GBE1: variants seen among roughly 807,000 people sequenced by gnomAD.
GBE1 encodes the protein 1,4-alpha-glucan-branching enzyme.
A neutral mutation model predicts 88.8 loss-of-function variants in GBE1; 70 were observed. That is an observed-to-expected ratio of 0.79 (90% confidence interval 0.65 to 0.96). GBE1 has a LOEUF of 0.96. Among genes scored for constraint, GBE1 ranks in the 40% least tolerant of loss-of-function variants. GBE1 has a pLI of 0.00. For synonymous variants in GBE1, 284 were observed against 300.1 expected, an observed-to-expected ratio of 0.95 and a Z score of 0.56; for missense variants, 872 against 871.0, an observed-to-expected ratio of 1.00 and a Z score of -0.01.
At chr3:81,620,830 T>C (rs1403532701) in intron 7 of GBE1, among the ~76,000 whole-genome samples, 5 of 152,238 alleles carry the variant, frequency 3.3e-5, no homozygotes, top group East Asian at 3.9e-4. Context: ...AGATCTTCTA[T>C]GAAAGTTTCT....
chr3:81,565,620 T>C (rs1052286486), intron 12 of GBE1, among the ~76,000 whole-genome samples: 13 of 152,152 alleles, frequency 8.5e-5, no homozygotes, highest in African/African-American at 3.1e-4. Context: ...CAAAATACAA[T>C]ATAATTATAT....
chr3:81,715,628 A>G (rs956281720), intron 1 of GBE1, among the ~76,000 whole-genome samples: 11 of 152,188 alleles, frequency 7.2e-5, no homozygotes, highest in Admixed American at 2.6e-4. Flanking sequence ...GCATGGTACT[A>G]CACAAGAAAG....
chr3:81,689,648 A>C (rs1473674012), intron 2 of GBE1, among the ~76,000 whole-genome samples: 1 of 152,146 alleles, frequency 6.6e-6, no homozygotes, highest in Non-Finnish European at 1.5e-5. Context: ...ACAGCCTCCC[A>C]TCACTAGCGG....
chr3:81,490,513 CT>C, intron 15 of GBE1, 50 bp from the exon 16 acceptor site: 1 of 1,420,226 alleles, frequency 7.0e-7, no homozygotes, highest in Non-Finnish European at 9.9e-7. Flanking sequence ...ACCAAACGGC[CT>C]GTCATTATGT....
At chr3:81,608,918 A>AATT (rs1243845745) in intron 7 of GBE1, among the ~76,000 whole-genome samples, 4 of 152,194 alleles carry the variant, frequency 2.6e-5, no homozygotes, top group Non-Finnish European at 5.9e-5. Flanking sequence ...TATGTAATAT[A>AATT]AGAGCCTTCA....
intron 2 of GBE1, among the ~76,000 whole-genome samples, chr3:81,685,953 T>C (rs941239270): frequency 2.0e-5 from 3 of 152,162 alleles, no homozygotes; most frequent in Admixed American, 6.5e-5. Context: ...CTGGCAAAGG[T>C]CACCACAGAC....
At chr3:81,592,326 A>G (rs1703890435) in intron 8 of GBE1, among the ~76,000 whole-genome samples, 1 of 152,156 alleles carries the variant, frequency 6.6e-6, no homozygotes, top group African/African-American at 2.4e-5. Context: ...ACCATCATTC[A>G]ACTAGCAAAT....
chr3:81,690,752 TTTG>T (rs2107143704), intron 2 of GBE1, among the ~76,000 whole-genome samples: 1 of 152,308 alleles, frequency 6.6e-6, no homozygotes, highest in African/African-American at 2.4e-5. Flanking sequence ...CTGTCTTTAT[TTTG>T]TTTCTATTTT....
intron 12 of GBE1, among the ~76,000 whole-genome samples, chr3:81,573,771 C>CTGTGTG (rs754379178): frequency 8.8e-4 from 78 of 88,970 alleles, no homozygotes; most frequent in Admixed American, 2.7e-3. Context: ...CTCTCTCTCT[C>CTGTGTG]TCTCTGTGTG....
chr3:81,717,636 C>CT (rs751216079), intron 1 of GBE1, among the ~76,000 whole-genome samples: 5 of 152,114 alleles, frequency 3.3e-5, no homozygotes, highest in Non-Finnish European at 5.9e-5. Flanking sequence ...CTCTAAGATA[C>CT]TAGCAATGTG....
Position 81,649,910 on chromosome 3 carries a change from A to G in GBE1, c.441T>C (p.Thr147=). 3.7e-6 allele frequency: 6 copies of G among 1,607,160 alleles called. No homozygotes were observed. Among genetic ancestry groups the G allele is most frequent in the Non-Finnish European group, 5.1e-6 (6 of 1,174,716 alleles). ...GATACAAGATCTCTCCGCTTTTACTAGTAATAACTACCTAAAAAGAGAATG... is the reference window on the plus strand; with the variant it reads ...GATACAAGATCTCTCCGCTTTTACTGGTAATAACTACCTAAAAAGAGAATG... ...PHGSKLKVVI[T]SKSGEILYRI... Residue 147 remains threonine, a synonymous_variant, in exon 4 of 16, where the codon ACT becomes ACC. Coordinates refer to ENST00000429644, the MANE Select transcript of GBE1 (RefSeq NM_000158.4).
intron 12 of GBE1, among the ~76,000 whole-genome samples, chr3:81,546,613 T>G (rs1003661439): frequency 3.3e-5 from 5 of 151,426 alleles, no homozygotes; most frequent in Non-Finnish European, 7.4e-5. Flanking sequence ...CCTCTGGTCT[T>G]TCTCACTGCT....
chr3:81,659,502 ATTTTT>A (rs35138103), intron 3 of GBE1, among the ~76,000 whole-genome samples: 1 of 127,052 alleles, frequency 7.9e-6, no homozygotes, highest in Non-Finnish European at 1.6e-5. Flanking sequence ...CGCCCGGCTA[ATTTTT>A]TTTTTTTTTT....
At chr3:81,531,925 G>A (rs571204738) in intron 14 of GBE1, among the ~76,000 whole-genome samples, 77 of 152,124 alleles carry the variant, frequency 5.1e-4, no homozygotes, top group African/African-American at 1.7e-3. Flanking sequence ...CCTCTGCCTA[G>A]GGCTGGTCTA....
chr3:81,495,785 A>T (rs1359075114), intron 15 of GBE1, among the ~76,000 whole-genome samples: 2 of 152,230 alleles, frequency 1.3e-5, no homozygotes, highest in Admixed American at 1.3e-4. Context: ...AAAACTTACA[A>T]CTGAGGGGCA....
intron 5 of GBE1, among the ~76,000 whole-genome samples, chr3:81,647,147 G>A (rs887631841): frequency 6.6e-6 from 1 of 151,814 alleles, no homozygotes; most frequent in Non-Finnish European, 1.5e-5. Flanking sequence ...TGGTAGAGAT[G>A]GGGTTTCACC....
At chr3:81,717,649 C>A (rs1451852003) in intron 1 of GBE1, among the ~76,000 whole-genome samples, 1 of 152,094 alleles carries the variant, frequency 6.6e-6, no homozygotes, top group African/African-American at 2.4e-5. Context: ...GCAATGTGAC[C>A]TTTGGAAAGA....
At chr3:81,666,204 A>AGAGGACAAGGGC (rs1318641339) in intron 3 of GBE1, among the ~76,000 whole-genome samples, 1 of 152,228 alleles carries the variant, frequency 6.6e-6, no homozygotes, top group Non-Finnish European at 1.5e-5. Context: ...ACAGGGAGGC[A>AGAGGACAAGGGC]GAGGACAAGG....
intron 7 of GBE1, among the ~76,000 whole-genome samples, chr3:81,618,350 A>G (rs1373993920): frequency 6.6e-6 from 1 of 152,104 alleles, no homozygotes; most frequent in Non-Finnish European, 1.5e-5. Context: ...TAATTCAATG[A>G]TCATTCTCTA....
Sources: allele counts gnomAD v4.1 joint callset (sites outside exome capture counted in the v4.1 genomes callset), GRCh38; gene constraint gnomAD v4.1.1; transcripts MANE v1.5; gene names NCBI Gene and HGNC (gene_info 2026-07-23, HGNC 2026-07-21).